The following WDR19 variants were observed in gnomAD, a reference collection of about 807,000 sequenced individuals.
WDR19 encodes the protein WD repeat-containing protein 19.
Under a neutral mutation model 180.0 loss-of-function variants are expected in WDR19, and 121 were observed. The observed-to-expected ratio is 0.67, with a 90% CI of 0.58 to 0.78. The LOEUF is 0.78. Ranked by LOEUF, WDR19 falls within the 30% of genes least tolerant of loss-of-function variation. The probability of loss-of-function intolerance (pLI) is 0.00; values close to 1 mark genes in which losing one functional copy is unlikely to be tolerated. For missense variants in WDR19, 1,450 were observed against 1,640.7 expected (o/e 0.88, Z 2.01); for synonymous variants, 497 against 540.7 (o/e 0.92, Z 1.12).
chr4:39,224,433 T>A (rs1441430634), intron 14 of WDR19, among the ~76,000 whole-genome samples: 2 of 152,106 alleles, frequency 1.3e-5, no homozygotes, highest in Non-Finnish European at 2.9e-5. Context: ...CAGGCTAGAG[T>A]GCAATGGTGC....
chr4:39,281,364 G>T (rs1736523826), intron 36 of WDR19, among the ~76,000 whole-genome samples: 1 of 151,090 alleles, frequency 6.6e-6, no homozygotes, highest in South Asian at 2.1e-4. Flanking sequence ...TGTGAGGAGG[G>T]GTTGGGTTTT....
rs139037831 is a variant in WDR19 at position 39,209,776 on chromosome 4, G to A, written c.890+4040G>A. On this transcript the variant is annotated intron_variant, in intron 9 of 36. Coordinates refer to ENST00000399820, the MANE Select transcript of WDR19 (RefSeq NM_025132.4). ...TCTTTGAAGAAAATAAAATTGATAC[G>A]CTTCTAACAAGCCTGACAAAAATAA... Among the ~76,000 whole-genome samples the A allele has an allele frequency of 4.5e-3, 675 of 150,078 alleles. 3 individuals carry two copies. The highest frequency in any genetic ancestry group is 0.016 in the African/African-American group (645 of 41,050).
intron 20 of WDR19, among the ~76,000 whole-genome samples, chr4:39,239,138 C>T (rs1026230226): frequency 8.6e-5 from 13 of 151,916 alleles, no homozygotes; most frequent in Admixed American, 4.6e-4. Context: ...CCACCACACC[C>T]GGCTAATTTT....
chr4:39,223,223 C>A (rs150701955), intron 14 of WDR19, among the ~76,000 whole-genome samples: 193 of 152,194 alleles, frequency 1.3e-3, no homozygotes, highest in Admixed American at 7.8e-3. Flanking sequence ...ATACAAAAAA[C>A]CATGGAGTTG....
chr4:39,242,093 G>T (rs1210074005), intron 21 of WDR19, among the ~76,000 whole-genome samples: 2 of 151,562 alleles, frequency 1.3e-5, no homozygotes, highest in African/African-American at 4.9e-5. Context: ...TTGAGACAGG[G>T]TCTCATTCTG....
chr4:39,208,361 C>CA (rs1728169257), intron 9 of WDR19, among the ~76,000 whole-genome samples: 1 of 140,264 alleles, frequency 7.1e-6, no homozygotes, highest in Non-Finnish European at 1.5e-5. Flanking sequence ...GGCTGGAGTG[C>CA]AGTGGCATGA....
chr4:39,215,342 C>T (rs974857474), intron 10 of WDR19, among the ~76,000 whole-genome samples: 4 of 150,482 alleles, frequency 2.7e-5, no homozygotes, highest in African/African-American at 4.9e-5. Flanking sequence ...TTTGAGACAG[C>T]GTCTTGTTTT....
At chr4:39,257,268 G>C (rs1733854289) in intron 27 of WDR19, among the ~76,000 whole-genome samples, 1 of 152,074 alleles carries the variant, frequency 6.6e-6, no homozygotes, top group Non-Finnish European at 1.5e-5. Context: ...ATTTCATCAG[G>C]ACTAGATTCT....
In WDR19 at chr4:39,202,709, A is replaced by T. The variant is rs1444083752; in HGVS notation, c.523-933A>T. On this transcript the variant is annotated intron_variant, in intron 6 of 36. Coordinates refer to ENST00000399820, the MANE Select transcript of WDR19 (RefSeq NM_025132.4). ...ATGCACTTAAAAAAAAAACTGCCTG[A>T]ACTTAAAAAATTCTTTTCTCATATT... is the stretch of plus-strand genomic sequence containing the variant. Among the ~76,000 whole-genome samples the T allele has an allele frequency of 3.3e-5, 5 of 152,028 alleles. No homozygotes were observed. In the East Asian group the frequency reaches 9.7e-4, roughly 29 times the overall value.
In WDR19 at chr4:39,260,415, G is replaced by A. The variant is rs150014141; in HGVS notation, c.3183+2861G>A. On this transcript the variant is annotated intron_variant, in intron 28 of 36. Coordinates refer to ENST00000399820, the MANE Select transcript of WDR19 (RefSeq NM_025132.4). ...TTCAGTGGTGCGATCTCAGCTCACT[G>A]CAACCTCTGCCTCCTGGGTTCAAGT... is the stretch of plus-strand genomic sequence containing the variant. Among the ~76,000 whole-genome samples, 50 of 146,048 alleles carry A rather than the reference G, an allele frequency of 3.4e-4. No individual in the cohort carries two copies. The East Asian group carries it at 9.2e-3, about 27-fold the overall frequency.
intron 28 of WDR19, among the ~76,000 whole-genome samples, chr4:39,263,156 T>G (rs952525601): frequency 1.5e-5 from 2 of 136,078 alleles, no homozygotes; most frequent in Non-Finnish European, 3.0e-5. Context: ...GGCCCCTCAC[T>G]GGGAGATGAT....
intron 6 of WDR19, among the ~76,000 whole-genome samples, chr4:39,200,053 A>G (rs1297948961): frequency 6.6e-6 from 1 of 152,224 alleles, no homozygotes; most frequent in Non-Finnish European, 1.5e-5. Flanking sequence ...ACATTTCTCA[A>G]GATTGATTAG....
intron 21 of WDR19, among the ~76,000 whole-genome samples, chr4:39,242,326 A>G (rs1218751659): frequency 6.6e-6 from 1 of 151,838 alleles, no homozygotes; most frequent in Non-Finnish European, 1.5e-5. Context: ...GCATAATCGT[A>G]GTTTACTGAA....
intron 4 of WDR19, 134 bp from the exon 5 acceptor site, chr4:39,194,410 C>T (rs981226643): frequency 1.8e-6 from 1 of 553,012 alleles, no homozygotes; most frequent in African/African-American, 1.9e-5. Flanking sequence ...TAGTCTTTGT[C>T]CTAAAGCATT....
At chr4:39,242,368 C>T (rs575432888) in intron 21 of WDR19, among the ~76,000 whole-genome samples, 35 of 152,156 alleles carry the variant, frequency 2.3e-4, no homozygotes, top group Non-Finnish European at 4.1e-4. Flanking sequence ...GCCATCCTCC[C>T]GCCTTAGCCT....
Position 39,275,161 on chromosome 4 carries a change from G to A in WDR19, c.3716+203G>A, listed in dbSNP as rs1279571008. On this transcript the variant is annotated intron_variant, in intron 33 of 36. Coordinates refer to ENST00000399820, the MANE Select transcript of WDR19 (RefSeq NM_025132.4). The stretch of plus-strand genomic sequence containing the variant: ...TCAAGACCAGCCTGGCCAATATGAT[G>A]AAACCCTATCTCTACTAAAAATACA... 2.1e-5 allele frequency: 13 copies of A among 628,058 alleles called. No individual in the cohort carries two copies. The Admixed American group carries it at 2.4e-4, about 12-fold the overall frequency. The allele number at this position is 628,058 out of a possible 1,614,324, so 38.9% of individuals were successfully genotyped here.
At chr4:39,281,562 T>C (rs1214006568) in intron 36 of WDR19, among the ~76,000 whole-genome samples, 2 of 152,208 alleles carry the variant, frequency 1.3e-5, no homozygotes, top group East Asian at 1.9e-4. Context: ...TTGGCTGTTA[T>C]TCTTTTTATC....
At chr4:39,252,671 A>T (rs1199361196) in intron 24 of WDR19, among the ~76,000 whole-genome samples, 1 of 152,114 alleles carries the variant, frequency 6.6e-6, no homozygotes, top group African/African-American at 2.4e-5. Flanking sequence ...AGAGATATAC[A>T]CTGAATGTCT....
At chr4:39,279,699 ACT>A (rs1736269180) in intron 36 of WDR19, among the ~76,000 whole-genome samples, 1 of 101,312 alleles carries the variant, frequency 9.9e-6, no homozygotes, top group Admixed American at 1.5e-4. Context: ...TGTCTGCCTT[ACT>A]TTTTTTTTTT....
Sources: allele counts gnomAD v4.1 joint callset (sites outside exome capture counted in the v4.1 genomes callset), GRCh38; gene constraint gnomAD v4.1.1; transcripts MANE v1.5; gene names NCBI Gene and HGNC (gene_info 2026-07-23, HGNC 2026-07-21).